The following SLX4 variants were observed in gnomAD, a reference collection of about 807,000 sequenced individuals.
The protein encoded by SLX4 is structure-specific endonuclease subunit SLX4.
A neutral mutation model predicts 146.2 loss-of-function variants in SLX4; 112 were observed. The ratio of observed to expected loss-of-function variants is 0.77; its 90% CI spans 0.66 to 0.90. The LOEUF is 0.90. Ranked by LOEUF, SLX4 falls within the 40% of genes least tolerant of loss-of-function variation. The probability of loss-of-function intolerance (pLI) is 0.00; values close to 1 mark genes in which losing one functional copy is unlikely to be tolerated. For missense variants in SLX4, 2,563 were observed against 2,392.7 expected (o/e 1.07, Z -1.49); for synonymous variants, 1,061 against 997.7 (o/e 1.06, Z -1.20).
chr16:3,605,102 T>A (rs575465691), intron 3 of SLX4, among the ~76,000 whole-genome samples: 312 of 151,362 alleles, frequency 2.1e-3, no homozygotes, highest in Non-Finnish European at 3.3e-3. Flanking sequence ...AAAAAAATTT[T>A]TTTTTGAGTC....
rs371122297 is a variant in SLX4 at position 3,590,157 on chromosome 16, G to T, written c.3481C>A (p.Leu1161Met). Residue 1161 changes from leucine (L) to methionine (M), a missense_variant, in exon 12 of 15, where the codon CTG (leucine) becomes ATG (methionine). Coordinates refer to ENST00000294008, the MANE Select transcript of SLX4 (RefSeq NM_032444.4). The surrounding 1 kb of genome is among the most constrained non-coding windows in gnomAD (Gnocchi z 4.8). The part of the protein sequence containing the change: ...VILLLDSDEE[L>M]ELEQTKMKSI... Reference sequence around the variant, plus strand: ...TTCATTTTGGTTTGTTCTAGCTCCAGCTCCTCATCCGAGTCCAGTAAGAGG... The same window carrying T: ...TTCATTTTGGTTTGTTCTAGCTCCATCTCCTCATCCGAGTCCAGTAAGAGG... 1 of 1,614,176 alleles carries T rather than the reference G, an allele frequency of 6.2e-7. No individual in the cohort carries two copies. The highest frequency in any genetic ancestry group is 1.1e-5 in the South Asian group (1 of 91,076).
chr16:3,584,740 G>A, intron 13 of SLX4, 29 bp downstream of exon 13: 4 of 1,544,724 alleles, frequency 2.6e-6, no homozygotes, highest in Non-Finnish European at 3.6e-6. Flanking sequence ...AAAGACCACT[G>A]TGGGCAACAA....
At chr16:3,587,324 C>G (rs769515075) in intron 12 of SLX4, among the ~76,000 whole-genome samples, 1 of 152,168 alleles carries the variant, frequency 6.6e-6, no homozygotes, top group South Asian at 2.1e-4. Flanking sequence ...TGGTGAAACC[C>G]GACTCTACTA....
intron 9 of SLX4, 101 bp downstream of exon 9, chr16:3,595,504 C>T (rs1468118062): frequency 7.4e-7 from 1 of 1,348,736 alleles, no homozygotes. Context: ...GGCCACTGCA[C>T]TTGCGTTGGG....
Position 3,590,353 on chromosome 16 carries a change from T to C in SLX4, c.3285A>G (p.Pro1095=). ...DRSILTLSKE[P]GHQKGKERRS... ...GACGCTCTTTGCCTTTCTGGTGCCC[T>C]GGCTCTTTAGACAGCGTGAGGATGC... Residue 1095 remains proline, a synonymous_variant, in exon 12 of 15, where the codon CCA becomes CCG. Transcript: ENST00000294008. The surrounding 1 kb of genome is among the most constrained non-coding windows in gnomAD (Gnocchi z 4.8). 6.2e-7 allele frequency: 1 copy of C among 1,614,266 alleles called. No homozygotes were observed. Among genetic ancestry groups the C allele is most frequent in the East Asian group, 2.2e-5 (1 of 44,874 alleles).
chr16:3,602,197 T>A lies in SLX4; in HGVS notation c.871A>T (p.Lys291Ter). Residue 291 changes from lysine (K) to a stop codon, truncating the protein, a stop_gained, in exon 4 of 15, where the codon AAG becomes TAG. Coordinates refer to ENST00000294008, the MANE Select transcript of SLX4 (RefSeq NM_032444.4). LOFTEE classifies it high-confidence loss of function. ...ASAHDDSLEE[K>*]GLFFCQICQK... The stretch of plus-strand genomic sequence containing the variant: ...CAAATCTGGCAGAAGAACAAACCCT[T>A]TTCCTCCAGGCTATCATCATGTGCC... 6.2e-7 allele frequency: 1 copy of A among 1,614,154 alleles called. No individual in the cohort carries two copies. Among genetic ancestry groups the A allele is most frequent in the South Asian group, 1.1e-5 (1 of 91,078 alleles).
Position 3,589,674 on chromosome 16 carries a change from ACGGTGTCTGGGG to A in SLX4, c.3952_3963del (p.Pro1318_Pro1321del), listed in dbSNP as rs771773313. On this transcript the variant is annotated inframe_deletion, in exon 12 of 15. Transcript: ENST00000294008. The surrounding 1 kb of genome is among the most constrained non-coding windows in gnomAD (Gnocchi z 6.2). ...GGAGAGACGGGAGTGAGGCATGAGG[ACGGTGTCTGGGG>A]CGGTGGTGTCTGGGGCCTGATGACA... 1.2e-5 allele frequency: 19 copies of A among 1,613,868 alleles called. No homozygotes were observed. The highest frequency in any genetic ancestry group is 1.2e-4 in the Admixed American group (7 of 59,976).
Position 3,590,680 on chromosome 16 carries a change from G to T in SLX4, c.2958C>A (p.Leu986=). ...AGATCTCTCCCTGAGTTGATGAGAA[G>T]AGCTGTTCGTAATCCCCGGCATCAT... ...HSDDAGDYEQ[L]FSSTQGEISE... Residue 986 remains leucine (L), a synonymous_variant, in exon 12 of 15, where the codon CTC becomes CTA. Coordinates refer to ENST00000294008, the MANE Select transcript of SLX4 (RefSeq NM_032444.4). The surrounding 1 kb of genome is among the most constrained non-coding windows in gnomAD (Gnocchi z 4.8). 6.2e-7 allele frequency: 1 copy of T among 1,614,200 alleles called. No individual in the cohort carries two copies. Among genetic ancestry groups the T allele is most frequent in the Non-Finnish European group, 8.5e-7 (1 of 1,180,044 alleles).
At chr16:3,608,221 T>C (rs529735992) in intron 2 of SLX4, among the ~76,000 whole-genome samples, 2 of 152,226 alleles carry the variant, frequency 1.3e-5, no homozygotes, top group Non-Finnish European at 2.9e-5. Flanking sequence ...ACTACGGTCA[T>C]GTGGCTGGCT....
At chr16:3,588,867 G>T in intron 12 of SLX4, 135 bp downstream of exon 12, 1 of 1,080,022 alleles carries the variant, frequency 9.3e-7, no homozygotes, top group Non-Finnish European at 1.4e-6. Flanking sequence ...AGTCTGGAAG[G>T]CAGCGGAAGT....
In SLX4 at chr16:3,583,342, A is replaced by T. The variant is rs781696737; in HGVS notation, c.4908T>A (p.Pro1636=). 7 of 1,613,530 alleles carry T rather than the reference A, an allele frequency of 4.3e-6. No homozygotes were observed. Among genetic ancestry groups the T allele is most frequent in the Non-Finnish European group, 1.7e-6 (2 of 1,179,674 alleles). ...CQTLASQTYK[P]SRAGVHAQQE... is the part of the protein sequence containing the mutation. Reference sequence around the variant, plus strand: ...GCTGGGCATGGACCCCTGCCCTTGAAGGCTTGTAGGTCTGGGAGGCGAGGG... The same window carrying T: ...GCTGGGCATGGACCCCTGCCCTTGATGGCTTGTAGGTCTGGGAGGCGAGGG... Residue 1636 remains proline (P), a synonymous_variant, in exon 14 of 15, where the codon CCT becomes CCA. Transcript: ENST00000294008.
intron 14 of SLX4, 39 bp downstream of exon 14, chr16:3,583,058 T>C: frequency 1.2e-6 from 2 of 1,612,562 alleles, no homozygotes; most frequent in South Asian, 1.1e-5. Flanking sequence ...GGCCAGAGGA[T>C]ACATGAGGCC....
Position 3,584,840 on chromosome 16 carries a change from G to T in SLX4, c.4668C>A (p.Pro1556=), listed in dbSNP as rs2040489925. ...GTGGCATCGGCGTTATGGGCACTTT[G>T]GGGGGCAAGTTCTTCTTCCGATTAG... is the stretch of plus-strand genomic sequence containing the variant. ...KGANRKKNLP[P]KVPITPMPQY... The change falls in exon 13 of 15, where the codon CCC becomes CCA. Residue 1556 remains proline, a synonymous_variant. Coordinates refer to ENST00000294008, the MANE Select transcript of SLX4 (RefSeq NM_032444.4). 1 of 1,613,926 alleles carries T rather than the reference G, an allele frequency of 6.2e-7. No individual in the cohort carries two copies. The highest frequency in any genetic ancestry group is 1.1e-5 in the South Asian group (1 of 91,082).
At chr16:3,610,022 T>C (rs552310237) in intron 1 of SLX4, among the ~76,000 whole-genome samples, 10 of 152,344 alleles carry the variant, frequency 6.6e-5, no homozygotes, top group African/African-American at 2.4e-4. Flanking sequence ...TCACTTTTAC[T>C]TATCTTCTCA....
chr16:3,598,833 G>C (rs2040696413), intron 5 of SLX4, among the ~76,000 whole-genome samples: 1 of 152,220 alleles, frequency 6.6e-6, no homozygotes, highest in South Asian at 2.1e-4. Flanking sequence ...CCCTGCTTCT[G>C]TGAAGGGAAC....
At chr16:3,601,303 G>A in intron 4 of SLX4, 112 bp from the exon 5 acceptor site, 1 of 1,078,546 alleles carries the variant, frequency 9.3e-7, no homozygotes, top group South Asian at 1.3e-5. Flanking sequence ...GTTCCCCAAA[G>A]CCAATCCCCT....
intron 13 of SLX4, 77 bp downstream of exon 13, chr16:3,584,692 C>A: frequency 5.1e-6 from 6 of 1,168,874 alleles, no homozygotes; most frequent in East Asian, 2.3e-5. Context: ...GGCCCTTCCG[C>A]CCCCAGGTGT....
At chr16:3,596,541 G>C in intron 7 of SLX4, 148 bp from the exon 8 acceptor site, 1 of 970,402 alleles carries the variant, frequency 1.0e-6, no homozygotes, top group South Asian at 1.7e-5. Context: ...CGGGGCTCCA[G>C]CCACAGCCTG....
In SLX4 at chr16:3,590,505, G is replaced by C; in HGVS notation, c.3133C>G (p.Pro1045Ala). ...FLLGPPQGGS[P>A]RGSHHTSGSS... is the part of the protein sequence containing the mutation. ...CCACTTGTGTGATGAGACCCGCGGG[G>C]ACTCCCGCCCTGGGGAGGCCCCAAT... The change falls in exon 12 of 15, where the codon CCC becomes GCC. Residue 1045 changes from proline (P) to alanine (A), a missense_variant. By Grantham distance (27) the Pro-to-Ala change is conservative (BLOSUM62 -1). Transcript: ENST00000294008. The surrounding 1 kb of genome is among the most constrained non-coding windows in gnomAD (Gnocchi z 4.8). 1 of 1,613,744 alleles carries C rather than the reference G, an allele frequency of 6.2e-7. No individual in the cohort carries two copies. Among genetic ancestry groups the C allele is most frequent in the Non-Finnish European group, 8.5e-7 (1 of 1,179,684 alleles).
Sources: allele counts gnomAD v4.1 joint callset (sites outside exome capture counted in the v4.1 genomes callset), GRCh38; gene constraint gnomAD v4.1.1; non-coding constraint Gnocchi (gnomAD v3.1); transcripts MANE v1.5; gene names NCBI Gene and HGNC (gene_info 2026-07-23, HGNC 2026-07-21).